The following FAM237B variants were observed in gnomAD, a reference collection of about 807,000 sequenced individuals.
FAM237B encodes protein FAM237B.
In FAM237B at chr7:90,319,394, G is replaced by T. The variant is rs979909009; in HGVS notation, c.355C>A (p.Pro119Thr). 5 of 398,392 alleles carry T rather than the reference G, an allele frequency of 1.3e-5. No homozygotes were observed. Among genetic ancestry groups the T allele is most frequent in the African/African-American group, 4.1e-5 (2 of 48,604 alleles). 24.7% of individuals were successfully genotyped at this position (398,392 alleles called of 1,614,324 possible). ...TTCTGTGGAAAATTATATTTGGGGG[G>T]CATCACCTGTCTTCTGCCCATTCCA... ...SHGMGRRQVM[P>T]PKYNFPQKIT... The change falls in exon 3 of 3, where the codon CCC becomes ACC. Residue 119 changes from proline to threonine, a missense_variant. Transcript: ENST00000692316.
rs1306644049 is a variant in FAM237B at position 90,316,933 on chromosome 7, A to G, written c.*2396T>C. 1.3e-5 allele frequency: 2 copies of G among 152,188 alleles called. No homozygotes were observed. Among genetic ancestry groups the G allele is most frequent in the South Asian group, 2.1e-4 (1 of 4,836 alleles). The allele number at this position is 152,188 out of a possible 1,614,324, so 9.4% of individuals were successfully genotyped here. A position where few individuals can be genotyped will look rare whatever the true frequency, so the allele number is the denominator to read the frequency against. On this transcript the variant is annotated 3_prime_UTR_variant, in exon 3 of 3. Coordinates refer to ENST00000692316, the MANE Select transcript of FAM237B (RefSeq NM_001384237.2). ...GAACAATTTTTTAGACTAAAAGTAC[A>G]TGGTCTCACTTTACAGCATTGAACT...
At chr7:90,320,127 A>T (rs538087991) in intron 2 of FAM237B, among the ~76,000 whole-genome samples, 4 of 152,252 alleles carry the variant, frequency 2.6e-5, no homozygotes, top group African/African-American at 9.6e-5. Flanking sequence ...CCTATCCAAG[A>T]CTCCTACCTA....
rs1262116608 is a variant in FAM237B, at chr7:90,317,007, T to G, written c.*2322A>C. 2 of 152,148 alleles carry G rather than the reference T, an allele frequency of 1.3e-5. No individual in the cohort carries two copies. Among genetic ancestry groups the G allele is most frequent in the Admixed American group, 6.5e-5 (1 of 15,274 alleles). 9.4% of individuals were successfully genotyped at this position (152,148 alleles called of 1,614,324 possible). A position where few individuals can be genotyped will look rare whatever the true frequency, so the allele number is the denominator to read the frequency against. On this transcript the variant is annotated 3_prime_UTR_variant, in exon 3 of 3. Coordinates refer to ENST00000692316, the MANE Select transcript of FAM237B (RefSeq NM_001384237.2). ...CAGACTGTAAAAGAGAACTGTTTTT[T>G]TTGAGGAAAACTGTAATACTGCCTC...
Position 90,318,956 on chromosome 7 carries a change from T to C in FAM237B, c.*373A>G, listed in dbSNP as rs1795066302. The stretch of plus-strand genomic sequence containing the variant: ...TTGTTAATATTCATTCCAATATGAC[T>C]CTTAAATTTCCTGCTTTTATACAAC... On this transcript the variant is annotated 3_prime_UTR_variant, in exon 3 of 3. Coordinates refer to ENST00000692316, the MANE Select transcript of FAM237B (RefSeq NM_001384237.2). The C allele has an allele frequency of 6.4e-6, 1 of 155,780 alleles. No individual in the cohort carries two copies. Among genetic ancestry groups the C allele is most frequent in the Admixed American group, 6.5e-5 (1 of 15,382 alleles). 9.6% of individuals were successfully genotyped at this position (155,780 alleles called of 1,614,324 possible). A position where few individuals can be genotyped will look rare whatever the true frequency, so the allele number is the denominator to read the frequency against.
At position 90,319,130 on chromosome 7, in the gene FAM237B, A is replaced by C. The variant is rs1388935406; in HGVS notation, c.*199T>G. On this transcript the variant is annotated 3_prime_UTR_variant, in exon 3 of 3. Transcript: ENST00000692316. The stretch of plus-strand genomic sequence containing the variant: ...AAGGATAATTTTAATTATCTACCAA[A>C]GTGTATTATATTCCAAGATCATTTA... The C allele has an allele frequency of 8.1e-6, 3 of 371,702 alleles. No individual in the cohort carries two copies. The Admixed American group carries it at 1.4e-4, about 17-fold the overall frequency. 23.0% of individuals were successfully genotyped at this position (371,702 alleles called of 1,614,324 possible). A position where few individuals can be genotyped will look rare whatever the true frequency, so the allele number is the denominator to read the frequency against.
In FAM237B at chr7:90,317,565, A is replaced by G. The variant is rs1321104902; in HGVS notation, c.*1764T>C. The G allele has an allele frequency of 2.0e-5, 3 of 151,892 alleles. No individual in the cohort carries two copies. Among genetic ancestry groups the G allele is most frequent in the African/African-American group, 7.2e-5 (3 of 41,394 alleles). 9.4% of individuals were successfully genotyped at this position (151,892 alleles called of 1,614,324 possible). A position where few individuals can be genotyped will look rare whatever the true frequency, so the allele number is the denominator to read the frequency against. ...TTGGTTATATGAAATAATATTGCCG[A>G]ACGCTATGAGGTCCTTTAATATTGA... is the stretch of plus-strand genomic sequence containing the variant. On this transcript the variant is annotated 3_prime_UTR_variant, in exon 3 of 3. Coordinates refer to ENST00000692316, the MANE Select transcript of FAM237B (RefSeq NM_001384237.2).
chr7:90,318,152 G>A lies in FAM237B; in HGVS notation c.*1177C>T, dbSNP rs1028873778. On this transcript the variant is annotated 3_prime_UTR_variant, in exon 3 of 3. Coordinates refer to ENST00000692316, the MANE Select transcript of FAM237B (RefSeq NM_001384237.2). The stretch of plus-strand genomic sequence containing the variant: ...TATTAATCTAAACCGTAACTCCATT[G>A]TATTACTTCCCTGTCTTCATGTCCC... 2 of 152,142 alleles carry A rather than the reference G, an allele frequency of 1.3e-5. No individual in the cohort carries two copies. The highest frequency in any genetic ancestry group is 2.1e-4 in the South Asian group (1 of 4,834). 9.4% of individuals were successfully genotyped at this position (152,142 alleles called of 1,614,324 possible). A position where few individuals can be genotyped will look rare whatever the true frequency, so the allele number is the denominator to read the frequency against.
At chr7:90,319,952 A>G (rs1381955408) in intron 2 of FAM237B, among the ~76,000 whole-genome samples, 1 of 152,222 alleles carries the variant, frequency 6.6e-6, no homozygotes, top group Non-Finnish European at 1.5e-5. Flanking sequence ...CAACGTTCTG[A>G]TCAAGAGTCT....
rs1348158397 is a variant in FAM237B at position 90,317,689 on chromosome 7, A to G, written c.*1640T>C. Reference sequence around the variant, plus strand: ...AAAACCCCTAATAAATGGTCTATACATCATCAGAATTTGAAAGTGGTCAAT... The same window carrying G: ...AAAACCCCTAATAAATGGTCTATACGTCATCAGAATTTGAAAGTGGTCAAT... On this transcript the variant is annotated 3_prime_UTR_variant, in exon 3 of 3. Transcript: ENST00000692316. The G allele has an allele frequency of 1.3e-5, 2 of 152,170 alleles. No individual in the cohort carries two copies. Among genetic ancestry groups the G allele is most frequent in the Non-Finnish European group, 2.9e-5 (2 of 68,008 alleles). 9.4% of individuals were successfully genotyped at this position (152,170 alleles called of 1,614,324 possible).
At chr7:90,320,431 G>C (rs766979300) in intron 2 of FAM237B, 3 of 152,250 alleles carry the variant, frequency 2.0e-5, no homozygotes, top group African/African-American at 4.8e-5. Flanking sequence ...GGTAGGATGA[G>C]ATAGTGCAGG....
chr7:90,320,275 T>A (rs535171455), intron 2 of FAM237B: 1 of 152,268 alleles, frequency 6.6e-6, no homozygotes, highest in Admixed American at 6.5e-5. Context: ...AGTCTCAAAG[T>A]TACTGCTATT....
At chr7:90,320,132 T>A (rs1465830887) in intron 2 of FAM237B, among the ~76,000 whole-genome samples, 6 of 152,230 alleles carry the variant, frequency 3.9e-5, no homozygotes, top group Non-Finnish European at 7.3e-5. Flanking sequence ...CCAAGACTCC[T>A]ACCTACCACA....
rs1229904038 is a variant in FAM237B, at chr7:90,316,810, T to C, written c.*2519A>G. The C allele has an allele frequency of 6.6e-6, 1 of 152,176 alleles. No homozygotes were observed. Among genetic ancestry groups the C allele is most frequent in the East Asian group, 1.9e-4 (1 of 5,200 alleles). The allele number at this position is 152,176 out of a possible 1,614,324, so 9.4% of individuals were successfully genotyped here. A position where few individuals can be genotyped will look rare whatever the true frequency, so the allele number is the denominator to read the frequency against. On this transcript the variant is annotated 3_prime_UTR_variant, in exon 3 of 3. Transcript: ENST00000692316. ...AAAGAACTAGAAAACCATTTTGCCATTAACTGGAAGACTAATTTTATTGAT... is the reference window on the plus strand; with the variant it reads ...AAAGAACTAGAAAACCATTTTGCCACTAACTGGAAGACTAATTTTATTGAT...
chr7:90,319,826 T>C (rs1215004750), intron 2 of FAM237B, 75 bp from the exon 3 acceptor site: 4 of 397,654 alleles, frequency 1.0e-5, no homozygotes, highest in Non-Finnish European at 1.8e-5. Flanking sequence ...TAAAAAACTG[T>C]AAGTACACAT....
chr7:90,320,196 A>G (rs1483343116), intron 2 of FAM237B, among the ~76,000 whole-genome samples: 1 of 152,220 alleles, frequency 6.6e-6, no homozygotes, highest in East Asian at 1.9e-4. Flanking sequence ...GTAACATAGG[A>G]AGTATTTTGT....
chr7:90,317,468 G>T lies in FAM237B; in HGVS notation c.*1861C>A, dbSNP rs765838518. ...GAGCTTAGGGATCCACCCTTAATTGGCAAGATAAGAAGTTTTCAATCTAGG... is the reference window on the plus strand; with the variant it reads ...GAGCTTAGGGATCCACCCTTAATTGTCAAGATAAGAAGTTTTCAATCTAGG... On this transcript the variant is annotated 3_prime_UTR_variant, in exon 3 of 3. Transcript: ENST00000692316. 7 of 142,762 alleles carry T rather than the reference G, an allele frequency of 4.9e-5. No homozygotes were observed. The highest frequency in any genetic ancestry group is 7.5e-5 in the African/African-American group (3 of 40,268). 8.8% of individuals were successfully genotyped at this position (142,762 alleles called of 1,614,324 possible).
chr7:90,319,494 T>A lies in FAM237B; in HGVS notation c.255A>T (p.Gly85=). The change falls in exon 3 of 3, where the codon GGA becomes GGT. Residue 85 remains glycine, a synonymous_variant. Coordinates refer to ENST00000692316, the MANE Select transcript of FAM237B (RefSeq NM_001384237.2). The part of the protein sequence containing the change: ...MLFLQKSQRP[G]HYNVFLNIAQ... ...CTATGTTTAAGAAGACATTATAATG[T>A]CCAGGCCGCTGAGATTTTTGCAAGA... 2.5e-6 allele frequency: 1 copy of A among 398,464 alleles called. No individual in the cohort carries two copies. The highest frequency in any genetic ancestry group is 4.4e-5 in the Admixed American group (1 of 22,716). The allele number at this position is 398,464 out of a possible 1,614,324, so 24.7% of individuals were successfully genotyped here. A position where few individuals can be genotyped will look rare whatever the true frequency, so the allele number is the denominator to read the frequency against.
Position 90,319,250 on chromosome 7 carries a change from T to C in FAM237B, c.*79A>G, listed in dbSNP as rs1323201474. ...TCATTTTAGGGAAAAAAACTAAATATGGTAAATTTGCTACCTTGTTGGATA... is the reference window on the plus strand; with the variant it reads ...TCATTTTAGGGAAAAAAACTAAATACGGTAAATTTGCTACCTTGTTGGATA... On this transcript the variant is annotated 3_prime_UTR_variant, in exon 3 of 3. Transcript: ENST00000692316. 5.0e-6 allele frequency: 2 copies of C among 397,412 alleles called. No individual in the cohort carries two copies. Among genetic ancestry groups the C allele is most frequent in the Non-Finnish European group, 8.9e-6 (2 of 225,696 alleles). 24.6% of individuals were successfully genotyped at this position (397,412 alleles called of 1,614,324 possible). A position where few individuals can be genotyped will look rare whatever the true frequency, so the allele number is the denominator to read the frequency against.
At position 90,317,632 on chromosome 7, in the gene FAM237B, T is replaced by G. The variant is rs924957545; in HGVS notation, c.*1697A>C. The G allele has an allele frequency of 3.9e-5, 6 of 152,122 alleles. No homozygotes were observed. The highest frequency in any genetic ancestry group is 7.4e-5 in the Non-Finnish European group (5 of 67,988). The allele number at this position is 152,122 out of a possible 1,614,324, so 9.4% of individuals were successfully genotyped here. A position where few individuals can be genotyped will look rare whatever the true frequency, so the allele number is the denominator to read the frequency against. ...GTTTATGCAGCCCCCTGAAATTACATGCAAAATGTAATTTTAAGAGTGTTT... is the reference window on the plus strand; with the variant it reads ...GTTTATGCAGCCCCCTGAAATTACAGGCAAAATGTAATTTTAAGAGTGTTT... On this transcript the variant is annotated 3_prime_UTR_variant, in exon 3 of 3. Coordinates refer to ENST00000692316, the MANE Select transcript of FAM237B (RefSeq NM_001384237.2).
Sources: allele counts gnomAD v4.1 joint callset (sites outside exome capture counted in the v4.1 genomes callset), GRCh38; gene constraint gnomAD v4.1.1; transcripts MANE v1.5; gene names NCBI Gene and HGNC (gene_info 2026-07-23, HGNC 2026-07-21).